SLC35F3: variants seen among roughly 807,000 people sequenced by gnomAD.
SLC35F3 encodes the protein solute carrier family 35 member F3.
SLC35F3 carries 25 observed loss-of-function variants against 49.9 expected under a neutral mutation model. The ratio of observed to expected loss-of-function variants is 0.50; its 90% CI spans 0.37 to 0.70. SLC35F3 has a LOEUF of 0.70. Among genes scored for constraint, SLC35F3 ranks in the 30% least tolerant of loss-of-function variants. The pLI is 0.00. For missense variants in SLC35F3, 525 were observed against 639.8 expected, an observed-to-expected ratio of 0.82 and a Z score of 1.94; for synonymous variants, 275 against 265.4, an observed-to-expected ratio of 1.04 and a Z score of -0.35.
intron 3 of SLC35F3, among the ~76,000 whole-genome samples, chr1:234,233,360 T>C (rs967625469): frequency 3.2e-4 from 49 of 152,254 alleles, no homozygotes; most frequent in Non-Finnish European, 6.0e-4. Flanking sequence ...ATGCACGTTC[T>C]TGATCAAGAA....
intron 2 of SLC35F3, among the ~76,000 whole-genome samples, chr1:233,966,326 A>T (rs10910319): frequency 0.2 from 30,976 of 152,176 alleles, 3,378 homozygotes; most frequent in East Asian, 0.37. Context: ...CAGGACAGGG[A>T]TACCCTAATC....
intron 2 of SLC35F3, among the ~76,000 whole-genome samples, chr1:233,952,253 T>A (rs145286718): frequency 6.6e-6 from 1 of 152,212 alleles, no homozygotes; most frequent in Non-Finnish European, 1.5e-5. Flanking sequence ...TTTCATCTGC[T>A]CTGTGGGAAC....
intron 3 of SLC35F3, among the ~76,000 whole-genome samples, chr1:234,279,452 CAG>C (rs529161623): frequency 1.1e-3 from 167 of 152,218 alleles, no homozygotes; most frequent in African/African-American, 3.8e-3. Flanking sequence ...AATCGGAAGA[CAG>C]AGGGGAGACG....
intron 2 of SLC35F3, among the ~76,000 whole-genome samples, chr1:234,028,531 C>A (rs1664011113): frequency 6.6e-6 from 1 of 152,150 alleles, no homozygotes; most frequent in African/African-American, 2.4e-5. Context: ...TCCTGGTGTT[C>A]TGTGGAGGTA....
chr1:234,230,914 G>A (rs919686560), intron 2 of SLC35F3, among the ~76,000 whole-genome samples: 1 of 152,180 alleles, frequency 6.6e-6, no homozygotes, highest in African/African-American at 2.4e-5. Context: ...TTCTGTCAAG[G>A]TACTGGGACC....
intron 2 of SLC35F3, among the ~76,000 whole-genome samples, chr1:234,011,687 A>G (rs937152582): frequency 2.0e-4 from 31 of 152,214 alleles, no homozygotes; most frequent in Non-Finnish European, 1.9e-4. Flanking sequence ...GACAACATGC[A>G]AACTCTATGC....
At chr1:233,979,200 T>G (rs1009542976) in intron 2 of SLC35F3, among the ~76,000 whole-genome samples, 1 of 152,226 alleles carries the variant, frequency 6.6e-6, no homozygotes, top group Non-Finnish European at 1.5e-5. Context: ...CTCCTTTCTG[T>G]GCTTCAGGAA....
intron 2 of SLC35F3, among the ~76,000 whole-genome samples, chr1:234,071,049 G>A (rs1052721321): frequency 9.8e-5 from 15 of 152,342 alleles, no homozygotes; most frequent in East Asian, 1.9e-4. Flanking sequence ...GAGAAAGTCT[G>A]TCTTGTTAGG....
At chr1:233,973,982 AT>A (rs1227920200) in intron 2 of SLC35F3, among the ~76,000 whole-genome samples, 2 of 151,932 alleles carry the variant, frequency 1.3e-5, no homozygotes, top group African/African-American at 4.8e-5. Context: ...CTTCATACTG[AT>A]TTTTGATTAT....
intron 2 of SLC35F3, among the ~76,000 whole-genome samples, chr1:234,126,491 G>GTGTGTGT (rs1311307486): frequency 6.6e-6 from 1 of 151,960 alleles, no homozygotes; most frequent in African/African-American, 2.4e-5. Context: ...GTGTGTGTGT[G>GTGTGTGT]TATTTAGTTC....
intron 2 of SLC35F3, among the ~76,000 whole-genome samples, chr1:234,136,351 T>A (rs10910361): frequency 6.6e-6 from 1 of 151,522 alleles, no homozygotes; most frequent in African/African-American, 2.4e-5. Context: ...TTTTCTTTTC[T>A]TTATCCTTCC....
intron 3 of SLC35F3, among the ~76,000 whole-genome samples, chr1:234,272,056 G>T (rs1271772014): frequency 6.6e-6 from 1 of 152,180 alleles, no homozygotes; most frequent in Non-Finnish European, 1.5e-5. Context: ...AGCTCAGGAT[G>T]CAGAGGCTGT....
At chr1:233,994,226 A>G (rs993869272) in intron 2 of SLC35F3, among the ~76,000 whole-genome samples, 2 of 152,220 alleles carry the variant, frequency 1.3e-5, no homozygotes, top group South Asian at 2.1e-4. Context: ...AGCCCTTACT[A>G]TGGACTAGGT....
In SLC35F3 at chr1:233,919,738, C is replaced by T. The variant is rs565096641; in HGVS notation, c.283+13980C>T. 1.4e-4 allele frequency among the ~76,000 whole-genome samples: 21 copies of T among 152,244 alleles called. No homozygotes were observed. In the South Asian group the frequency reaches 2.7e-3, roughly 20 times the overall value. ...CAACCAATTTTCATTTATGCTCAGG[C>T]GTTCTGTCCTTCCCCCCGGCTACCA... On this transcript the variant is annotated intron_variant, in intron 2 of 7. Transcript: ENST00000366618.
chr1:234,187,476 G>T (rs1349678659), intron 2 of SLC35F3, among the ~76,000 whole-genome samples: 4 of 152,198 alleles, frequency 2.6e-5, no homozygotes, highest in Non-Finnish European at 4.4e-5. Context: ...GTGAACTTCT[G>T]CTCCAAGAAC....
intron 2 of SLC35F3, among the ~76,000 whole-genome samples, chr1:233,974,477 G>C (rs114077148): frequency 6.6e-6 from 1 of 151,966 alleles, no homozygotes; most frequent in South Asian, 2.1e-4. Flanking sequence ...CACCGTGCCC[G>C]GCCTCTATTT....
chr1:234,058,160 C>T (rs970091529), intron 2 of SLC35F3, among the ~76,000 whole-genome samples: 38 of 151,672 alleles, frequency 2.5e-4, no homozygotes, highest in Middle Eastern at 3.4e-3. Context: ...AAGAGTGTCA[C>T]ATATTGTCAA....
At chr1:234,041,659 T>G (rs1572029778) in intron 2 of SLC35F3, among the ~76,000 whole-genome samples, 1 of 152,184 alleles carries the variant, frequency 6.6e-6, no homozygotes, top group Non-Finnish European at 1.5e-5. Context: ...TTCTAATCAC[T>G]TGCACATTTT....
chr1:234,157,266 T>C (rs7549019), intron 2 of SLC35F3, among the ~76,000 whole-genome samples: 22,701 of 152,070 alleles, frequency 0.15, 5,384 homozygotes, highest in African/African-American at 0.5. Flanking sequence ...CAATGACCTC[T>C]TAGCTCGTTT....
Sources: allele counts gnomAD v4.1 joint callset (sites outside exome capture counted in the v4.1 genomes callset), GRCh38; gene constraint gnomAD v4.1.1; transcripts MANE v1.5; gene names NCBI Gene and HGNC (gene_info 2026-07-23, HGNC 2026-07-21).